The following SPAG6 variants were observed in gnomAD, a reference collection of about 807,000 sequenced individuals.
The protein encoded by SPAG6 is sperm associated antigen 6.
A neutral mutation model predicts 58.5 loss-of-function variants in SPAG6; 49 were observed. The ratio of observed to expected loss-of-function variants is 0.84; its 90% confidence interval spans 0.67 to 1.06. SPAG6 has a LOEUF of 1.06. SPAG6 is among the 50% of genes least tolerant of loss of function. The pLI is 0.00. For synonymous variants in SPAG6, 233 were observed against 225.6 expected (o/e 1.03, Z -0.29); for missense variants, 560 against 611.3 (o/e 0.92, Z 0.89).
At chr10:22,415,074 C>A (rs987303535) in intron 10 of SPAG6, among the ~76,000 whole-genome samples, 1 of 152,082 alleles carries the variant, frequency 6.6e-6, no homozygotes, top group Non-Finnish European at 1.5e-5. Flanking sequence ...CCCATACCAG[C>A]CATTTTTCTA....
At chr10:22,375,558 A>G (rs945680705) in intron 4 of SPAG6, among the ~76,000 whole-genome samples, 2 of 151,914 alleles carry the variant, frequency 1.3e-5, no homozygotes, top group African/African-American at 4.8e-5. Context: ...AAAAGTGTGG[A>G]ATAAGTTAAT....
At chr10:22,346,484 C>CTTCTTCTTCT (rs1286301339) in intron 2 of SPAG6, among the ~76,000 whole-genome samples, 4 of 139,244 alleles carry the variant, frequency 2.9e-5, no homozygotes, top group Non-Finnish European at 4.4e-5. Flanking sequence ...TCTTCTTCTT[C>CTTCTTCTTCT]TTCTTCTTCT....
rs1837153103 is a variant in SPAG6, at chr10:22,364,966, G to A, written c.235G>A (p.Val79Ile). ...TTATAATGATGACCTAGCAGAAGCT[G>A]TTGTGAAGTGCGACATTCTTCCACA... ...ANYNDDLAEA[V>I]VKCDILPQLV... Residue 79 changes from valine to isoleucine, a missense_variant, in exon 3 of 11, where the codon GTT becomes ATT. Physicochemically the swap from Val to Ile is conservative, Grantham distance 29. Coordinates refer to ENST00000376624, the MANE Select transcript of SPAG6 (RefSeq NM_012443.4). 6.2e-6 allele frequency: 10 copies of A among 1,613,218 alleles called. No individual in the cohort carries two copies. The highest frequency in any genetic ancestry group is 6.8e-6 in the Non-Finnish European group (8 of 1,179,566).
chr10:22,372,654 G>A (rs1163043970), intron 4 of SPAG6, among the ~76,000 whole-genome samples: 2 of 152,198 alleles, frequency 1.3e-5, no homozygotes. Context: ...TTGGGACTGA[G>A]GTGGGAGCAG....
At position 22,416,524 on chromosome 10, in the gene SPAG6, A is replaced by G. The variant is rs1834868195; in HGVS notation, c.1461-95A>G. On this transcript the variant is annotated intron_variant, in intron 10 of 10. Transcript: ENST00000376624. ...TCAGAGTGTATTTGAGATTTCACTC[A>G]CAGGATTATTTCAGATAAATCCCCT... 3 of 744,376 alleles carry G rather than the reference A, an allele frequency of 4.0e-6. No individual in the cohort carries two copies. The South Asian group carries it at 4.9e-5, about 12-fold the overall frequency. The allele number at this position is 744,376 out of a possible 1,614,324, so 46.1% of individuals were successfully genotyped here. A position where few individuals can be genotyped will look rare whatever the true frequency, so the allele number is the denominator to read the frequency against.
chr10:22,355,788 A>G (rs1836848921), intron 2 of SPAG6, among the ~76,000 whole-genome samples: 1 of 152,218 alleles, frequency 6.6e-6, no homozygotes, highest in East Asian at 1.9e-4. Context: ...TATAATCAAT[A>G]AAGGCTGGGA....
rs764785733 is a variant in SPAG6 at position 22,401,234 on chromosome 10, C to T, written c.1271C>T (p.Ala424Val). 1.2e-6 allele frequency: 2 copies of T among 1,603,814 alleles called. No homozygotes were observed. Among genetic ancestry groups the T allele is most frequent in the South Asian group, 1.1e-5 (1 of 90,822 alleles). Residue 424 changes from alanine to valine, a missense_variant, in exon 9 of 11, where the codon GCT becomes GTT. Transcript: ENST00000376624. The stretch of plus-strand genomic sequence containing the variant: ...GCCCTTGAACCATTTCTATATGATG[C>T]TCCTCCCAATATTCTGAAACATGTG... ...LPALEPFLYD[A>V]PPNILKHVVG... is the part of the protein sequence containing the mutation.
At chr10:22,356,476 C>T (rs930712261) in intron 2 of SPAG6, among the ~76,000 whole-genome samples, 2 of 152,174 alleles carry the variant, frequency 1.3e-5, no homozygotes, top group Admixed American at 6.5e-5. Flanking sequence ...TTTCCTTTCC[C>T]CTTAAAATAA....
chr10:22,408,707 G>A (rs1834629668), intron 9 of SPAG6, among the ~76,000 whole-genome samples: 1 of 152,210 alleles, frequency 6.6e-6, no homozygotes, highest in Non-Finnish European at 1.5e-5. Context: ...AAGCAAGCCT[G>A]GGCAATGGCG....
In SPAG6 at chr10:22,364,834, C is replaced by G; in HGVS notation, c.122-19C>G. 1 of 1,568,164 alleles carries G rather than the reference C, an allele frequency of 6.4e-7. No homozygotes were observed. Among genetic ancestry groups the G allele is most frequent in the Non-Finnish European group, 8.7e-7 (1 of 1,154,820 alleles). ...AATTTAAATTTTCCTGATTTCTGTT[C>G]TTTCATAATTTAACTCAGGTGTAAT... is the stretch of plus-strand genomic sequence containing the variant. On this transcript the variant is annotated intron_variant, in intron 2 of 10. Coordinates refer to ENST00000376624, the MANE Select transcript of SPAG6 (RefSeq NM_012443.4).
At chr10:22,372,727 A>C (rs1211759888) in intron 4 of SPAG6, among the ~76,000 whole-genome samples, 1 of 152,180 alleles carries the variant, frequency 6.6e-6, no homozygotes, top group Non-Finnish European at 1.5e-5. Flanking sequence ...TGGGCTCAAA[A>C]ATGAGTTTTA....
chr10:22,363,479 A>T (rs1361926177), intron 2 of SPAG6, among the ~76,000 whole-genome samples: 1 of 152,192 alleles, frequency 6.6e-6, no homozygotes, highest in Non-Finnish European at 1.5e-5. Context: ...CCTTCGTGGG[A>T]TTCACACCTG....
intron 9 of SPAG6, among the ~76,000 whole-genome samples, chr10:22,409,559 A>T (rs112430468): frequency 6.6e-6 from 1 of 152,382 alleles, no homozygotes; most frequent in African/African-American, 2.4e-5. Context: ...AGACTTGGAG[A>T]TAAACTTTTT....
chr10:22,413,852 A>T (rs1377399123), intron 10 of SPAG6, among the ~76,000 whole-genome samples: 1 of 152,146 alleles, frequency 6.6e-6, no homozygotes, highest in Admixed American at 6.5e-5. Context: ...TCATTTTTAC[A>T]ATTACATAAT....
intron 4 of SPAG6, among the ~76,000 whole-genome samples, chr10:22,372,522 A>C (rs1833723202): frequency 6.6e-6 from 1 of 152,156 alleles, no homozygotes; most frequent in African/African-American, 2.4e-5. Context: ...AGGAGGCTCC[A>C]GGCCCTCCTC....
intron 10 of SPAG6, among the ~76,000 whole-genome samples, chr10:22,411,838 A>ATTTTTT (rs1283503992): frequency 7.5e-6 from 1 of 132,714 alleles, no homozygotes; most frequent in African/African-American, 3.4e-5. Flanking sequence ...AAACAACTGA[A>ATTTTTT]TCTTTTTTTT....
intron 5 of SPAG6, 132 bp downstream of exon 5, chr10:22,387,091 T>C: frequency 1.5e-6 from 1 of 687,032 alleles, no homozygotes; most frequent in South Asian, 1.8e-5. Context: ...GAATATATTA[T>C]GTATTTGGTC....
At position 22,391,863 on chromosome 10, in the gene SPAG6, G is replaced by C; in HGVS notation, c.1140G>C (p.Leu380Phe). 6.2e-7 allele frequency: 1 copy of C among 1,613,472 alleles called. No homozygotes were observed. Among genetic ancestry groups the C allele is most frequent in the East Asian group, 2.2e-5 (1 of 44,880 alleles). The change falls in exon 8 of 11, where the codon TTG becomes TTC. Residue 380 changes from leucine (L) to phenylalanine (F), a missense_variant. Physicochemically the swap from Leu to Phe is conservative, Grantham distance 22 (BLOSUM62 0). Transcript: ENST00000376624. The stretch of plus-strand genomic sequence containing the variant: ...GGGCTGTTGCAGTCACAAATACTTT[G>C]CCAGTTCTGCTTTCTTTGTACATGT... ...HARAVAVTNT[L>F]PVLLSLYMST...
chr10:22,384,113 C>G (rs890271970), intron 4 of SPAG6, among the ~76,000 whole-genome samples: 1 of 152,202 alleles, frequency 6.6e-6, no homozygotes, highest in Non-Finnish European at 1.5e-5. Context: ...ATGGAGTACC[C>G]AGATGTTTTT....
Sources: gnomAD v4.1 joint callset for allele counts (sites outside exome capture counted in the v4.1 genomes callset) on GRCh38, gnomAD v4.1.1 for gene constraint, MANE v1.5 for transcripts, NCBI Gene and HGNC (gene_info 2026-07-23, HGNC 2026-07-21) for gene names.